The following TRERF1 variants were observed in gnomAD, a reference collection of about 807,000 sequenced individuals.
TRERF1 encodes the protein transcriptional regulating factor 1.
A neutral mutation model predicts 122.9 loss-of-function variants in TRERF1; 27 were observed. The observed-to-expected ratio is 0.22, with a 90% confidence interval of 0.16 to 0.30. The LOEUF (loss-of-function observed/expected upper bound fraction) is 0.30. Ranked by LOEUF, TRERF1 falls within the 10% of genes least tolerant of loss-of-function variation. The probability of loss-of-function intolerance (pLI) is 1.00; values close to 1 mark genes in which losing one functional copy is unlikely to be tolerated. For synonymous variants in TRERF1, 636 were observed against 641.7 expected (o/e 0.99, Z 0.13); for missense variants, 1,248 against 1,560.3 (o/e 0.80, Z 3.37).
At chr6:42,442,299 T>C (rs185698110) in intron 2 of TRERF1, among the ~76,000 whole-genome samples, 16 of 152,220 alleles carry the variant, frequency 1.1e-4, no homozygotes, top group African/African-American at 1.9e-4. Context: ...AGGAGTTAGA[T>C]TGGGGGCAGT....
At chr6:42,437,996 C>T (rs1785751382) in intron 2 of TRERF1, among the ~76,000 whole-genome samples, 1 of 151,806 alleles carries the variant, frequency 6.6e-6, no homozygotes, top group African/African-American at 2.4e-5. Context: ...ATCTCAGCTC[C>T]CTGCAATCTT....
At chr6:42,336,487 G>A (rs1284921863) in intron 3 of TRERF1, among the ~76,000 whole-genome samples, 7 of 152,126 alleles carry the variant, frequency 4.6e-5, no homozygotes, top group African/African-American at 1.2e-4. Context: ...CAGGAGGTAT[G>A]TCTTCTGCAG....
At chr6:42,367,955 C>T (rs910357134) in intron 2 of TRERF1, among the ~76,000 whole-genome samples, 3 of 152,130 alleles carry the variant, frequency 2.0e-5, no homozygotes, top group African/African-American at 7.2e-5. Flanking sequence ...CCTCAGCTGC[C>T]ATCTCCTTCC....
intron 2 of TRERF1, among the ~76,000 whole-genome samples, chr6:42,418,284 T>C (rs569701583): frequency 2.8e-5 from 4 of 144,140 alleles, no homozygotes; most frequent in African/African-American, 1.0e-4. Flanking sequence ...TTTTTTTTTT[T>C]CCGAGATGGA....
chr6:42,413,523 G>A (rs1781412987), intron 2 of TRERF1, among the ~76,000 whole-genome samples: 1 of 148,956 alleles, frequency 6.7e-6, no homozygotes, highest in Admixed American at 6.8e-5. Context: ...TCCGCCTCTT[G>A]GGTTCAAGTG....
chr6:42,255,146 T>A (rs1776501185), intron 12 of TRERF1, among the ~76,000 whole-genome samples: 3 of 152,212 alleles, frequency 2.0e-5, no homozygotes, highest in Non-Finnish European at 4.4e-5. Flanking sequence ...CTGAAGCCAG[T>A]TGTTCATGTC....
chr6:42,351,999 G>GTGTTGCTGT lies in TRERF1; in HGVS notation c.-371+10997_-371+10998insACAGCAACA, dbSNP rs370495848. On this transcript the variant is annotated intron_variant, in intron 3 of 17. Transcript: ENST00000372922. ...TGTGTTAAGCCATAATTTGGTGCGG[G>GTGTTGCTGT]TGTTGTTGTTGTTGTTGTTTTTGAG... Among the ~76,000 whole-genome samples, 623 of 152,136 alleles carry GTGTTGCTGT rather than the reference G, an allele frequency of 4.1e-3. 3 individuals carry two copies. Among genetic ancestry groups the GTGTTGCTGT allele is most frequent in the African/African-American group, 0.014 (599 of 41,512 alleles).
rs371298107 is a variant in TRERF1 at position 42,376,379 on chromosome 6, T to A, written c.-453-13300A>T. The stretch of plus-strand genomic sequence containing the variant: ...TGGAAAACAGGCTTTGCGTGAGGGA[T>A]GTCTGAGAGATGATCTGTGGCTGGG... On this transcript the variant is annotated intron_variant, in intron 2 of 17. Transcript: ENST00000372922. Among the ~76,000 whole-genome samples the A allele has an allele frequency of 2.4e-4, 37 of 152,116 alleles. 1 individual carries two copies. The East Asian group carries it at 5.0e-3, about 21-fold the overall frequency.
At chr6:42,326,543 C>A (rs1764324960) in intron 3 of TRERF1, among the ~76,000 whole-genome samples, 1 of 152,206 alleles carries the variant, frequency 6.6e-6, no homozygotes, top group Non-Finnish European at 1.5e-5. Context: ...CCTCCCCTCA[C>A]ATATAATCCA....
At chr6:42,332,140 G>A (rs542326005) in intron 3 of TRERF1, among the ~76,000 whole-genome samples, 2 of 152,248 alleles carry the variant, frequency 1.3e-5, no homozygotes, top group African/African-American at 4.8e-5. Context: ...ACAGGGTTTC[G>A]CCATGTTGGC....
At chr6:42,291,823 G>A (rs144767016) in intron 4 of TRERF1, among the ~76,000 whole-genome samples, 2,090 of 152,196 alleles carry the variant, frequency 0.014, 18 homozygotes, top group South Asian at 0.03. Flanking sequence ...GGGATTACAG[G>A]CATAAGACAC....
intron 2 of TRERF1, among the ~76,000 whole-genome samples, chr6:42,376,390 T>C (rs1774866914): frequency 6.6e-6 from 1 of 152,006 alleles, no homozygotes; most frequent in African/African-American, 2.4e-5. Context: ...GTCTGAGAGA[T>C]GATCTGTGGC....
chr6:42,402,234 T>A (rs939791833), intron 2 of TRERF1, among the ~76,000 whole-genome samples: 1 of 152,202 alleles, frequency 6.6e-6, no homozygotes, highest in African/African-American at 2.4e-5. Flanking sequence ...TATGTCTTTT[T>A]AGACCCCTGA....
At chr6:42,294,524 A>G (rs1784791585) in intron 4 of TRERF1, among the ~76,000 whole-genome samples, 6 of 152,194 alleles carry the variant, frequency 3.9e-5, no homozygotes, top group Admixed American at 3.3e-4. Context: ...TATGACTGGT[A>G]TAATAATATA....
intron 13 of TRERF1, among the ~76,000 whole-genome samples, chr6:42,251,155 C>A (rs184204734): frequency 2.6e-5 from 4 of 152,046 alleles, no homozygotes; most frequent in Admixed American, 2.0e-4. Flanking sequence ...ACCACTATGC[C>A]TGGCTAATTT....
intron 2 of TRERF1, among the ~76,000 whole-genome samples, chr6:42,377,294 A>C (rs1432873166): frequency 6.6e-6 from 1 of 152,168 alleles, no homozygotes; most frequent in Non-Finnish European, 1.5e-5. Context: ...GGGCATTCTC[A>C]TCATCCCAAA....
intron 3 of TRERF1, among the ~76,000 whole-genome samples, chr6:42,348,750 A>C (rs148621399): frequency 5.3e-5 from 8 of 152,314 alleles, no homozygotes; most frequent in African/African-American, 1.9e-4. Flanking sequence ...CTTTGGTCTA[A>C]TGGTACACTG....
intron 2 of TRERF1, among the ~76,000 whole-genome samples, chr6:42,363,542 T>C (rs1375470972): frequency 6.6e-6 from 1 of 152,076 alleles, no homozygotes; most frequent in East Asian, 1.9e-4. Flanking sequence ...GTCTTGGGGG[T>C]TGAACTGTGT....
intron 3 of TRERF1, among the ~76,000 whole-genome samples, chr6:42,324,147 A>G (rs1049319710): frequency 6.8e-4 from 104 of 152,192 alleles, no homozygotes; most frequent in African/African-American, 2.4e-3. Context: ...CAAGAATGCA[A>G]TCCCGTTTAC....
Sources: allele counts gnomAD v4.1 joint callset (sites outside exome capture counted in the v4.1 genomes callset), GRCh38; gene constraint gnomAD v4.1.1; transcripts MANE v1.5; gene names NCBI Gene and HGNC (gene_info 2026-07-23, HGNC 2026-07-21).